The following B3GALT5 variants were observed in gnomAD, a reference collection of about 807,000 sequenced individuals.
B3GALT5 encodes UDP-Gal:betaGlcNAc beta 1,3-galactosyltransferase, polypeptide 5.
For missense variants in B3GALT5, 328 were observed against 396.6 expected, an observed-to-expected ratio of 0.83 and a Z score of 1.47; for synonymous variants, 156 against 158.6, an observed-to-expected ratio of 0.98 and a Z score of 0.12.
At chr21:39,623,855 C>A (rs2079150283) in intron 1 of B3GALT5, among the ~76,000 whole-genome samples, 1 of 152,188 alleles carries the variant, frequency 6.6e-6, no homozygotes, top group East Asian at 1.9e-4. Context: ...AAATTCTCAG[C>A]TGATATGTCT....
chr21:39,636,009 C>T (rs978286648), intron 1 of B3GALT5, among the ~76,000 whole-genome samples: 2 of 152,176 alleles, frequency 1.3e-5, no homozygotes, highest in African/African-American at 4.8e-5. Context: ...TAAGATAGGA[C>T]ATTTTATGTT....
intron 1 of B3GALT5, among the ~76,000 whole-genome samples, chr21:39,637,348 C>T (rs552414110): frequency 6.6e-6 from 1 of 152,326 alleles, no homozygotes; most frequent in South Asian, 2.1e-4. Flanking sequence ...TGTGCGTTCC[C>T]TCTCTGGAGG....
rs1174714969 is a variant in B3GALT5, at chr21:39,662,784, A to G, written c.*1292A>G. On this transcript the variant is annotated 3_prime_UTR_variant, in exon 4 of 4. Transcript: ENST00000684187. Reference sequence around the variant, plus strand: ...GCAAAGTAATCTTGCTCCTAATTATAGAAATGATTTTTCTTTTAATTTTTT... The same window carrying G: ...GCAAAGTAATCTTGCTCCTAATTATGGAAATGATTTTTCTTTTAATTTTTT... The G allele has an allele frequency of 6.0e-6, 1 of 167,126 alleles. No homozygotes were observed. Among genetic ancestry groups the G allele is most frequent in the Non-Finnish European group, 1.5e-5 (1 of 68,128 alleles). 10.4% of individuals were successfully genotyped at this position (167,126 alleles called of 1,614,324 possible).
At chr21:39,615,632 C>T (rs1007073192) in intron 1 of B3GALT5, among the ~76,000 whole-genome samples, 15 of 152,274 alleles carry the variant, frequency 9.9e-5, no homozygotes, top group South Asian at 8.3e-4. Flanking sequence ...GTTGCAAATC[C>T]CAGCTTTGAC....
chr21:39,658,165 T>C (rs1173532598), intron 2 of B3GALT5, among the ~76,000 whole-genome samples: 2 of 152,316 alleles, frequency 1.3e-5, no homozygotes, highest in Non-Finnish European at 2.9e-5. Context: ...GAGCTGTGAC[T>C]TCTGGTGGTA....
rs1555930053 is a variant in B3GALT5, at chr21:39,662,835, C to CA, written c.*1344dup. On this transcript the variant is annotated 3_prime_UTR_variant, in exon 4 of 4. Transcript: ENST00000684187. ...ACTTTACCAGACTTTACTTTGTACT[C>CA]AGAGAAGAGGCCTCACATGGCTGTG... 6.0e-6 allele frequency: 1 copy of CA among 166,932 alleles called. No homozygotes were observed. The highest frequency in any genetic ancestry group is 1.5e-5 in the Non-Finnish European group (1 of 68,100). The allele number at this position is 166,932 out of a possible 1,614,324, so 10.3% of individuals were successfully genotyped here. A position where few individuals can be genotyped will look rare whatever the true frequency, so the allele number is the denominator to read the frequency against.
intron 1 of B3GALT5, among the ~76,000 whole-genome samples, chr21:39,618,289 A>C (rs1185814055): frequency 6.6e-6 from 1 of 152,222 alleles, no homozygotes; most frequent in Admixed American, 6.5e-5. Context: ...CTTTGCATAC[A>C]TGTTAGAGTG....
chr21:39,659,985 G>A (rs956582242), intron 3 of B3GALT5, 73 bp downstream of exon 3: 10 of 864,608 alleles, frequency 1.2e-5, no homozygotes, highest in East Asian at 2.4e-4. Flanking sequence ...TAGCAGAGAC[G>A]GGTGGGCAGA....
intron 1 of B3GALT5, among the ~76,000 whole-genome samples, chr21:39,640,073 T>TG (rs2079277936): frequency 1.2e-5 from 1 of 83,686 alleles, no homozygotes; most frequent in Non-Finnish European, 2.4e-5. Flanking sequence ...TGGTAGAGGG[T>TG]GGGGGTGGGC....
chr21:39,660,785 A>G lies in B3GALT5; in HGVS notation c.226A>G (p.Ile76Val), dbSNP rs753423478. Residue 76 changes from isoleucine (I) to valine (V), a missense_variant, in exon 4 of 4, where the codon ATC (isoleucine) becomes GTC (valine). By Grantham distance (29) the Ile-to-Val change is conservative. Transcript: ENST00000684187. ...SHKQLAERMA[I>V]RQTWGKERMV... ...CAAACAGTTGGCTGAGCGCATGGCC[A>G]TCCGGCAGACGTGGGGGAAAGAGAG... 8 of 1,571,556 alleles carry G rather than the reference A, an allele frequency of 5.1e-6. No individual in the cohort carries two copies. In the South Asian group the frequency reaches 9.7e-5, roughly 19 times the overall value.
intron 2 of B3GALT5, among the ~76,000 whole-genome samples, chr21:39,652,562 C>A (rs1017630474): frequency 6.6e-6 from 1 of 152,202 alleles, no homozygotes; most frequent in Non-Finnish European, 1.5e-5. Context: ...TTCCTCATTC[C>A]TTTCATCCTA....
At chr21:39,633,469 C>T (rs1303982851) in intron 1 of B3GALT5, among the ~76,000 whole-genome samples, 4 of 152,122 alleles carry the variant, frequency 2.6e-5, no homozygotes, top group East Asian at 1.9e-4. Context: ...TATTTGTAAC[C>T]GGCACAATAC....
In B3GALT5 at chr21:39,668,994, T is replaced by C. The variant is rs1265677964; in HGVS notation, c.*7502T>C. Reference sequence around the variant, plus strand: ...TGAATTTTGGTGGATTCTATGGTGGTGTATACAGCACTATCTATCAGTGTA... The same window carrying C: ...TGAATTTTGGTGGATTCTATGGTGGCGTATACAGCACTATCTATCAGTGTA... On this transcript the variant is annotated 3_prime_UTR_variant, in exon 4 of 4. Coordinates refer to ENST00000684187, the MANE Select transcript of B3GALT5 (RefSeq NM_001356336.2). 1 of 152,250 alleles carries C rather than the reference T, an allele frequency of 6.6e-6. No homozygotes were observed. Among genetic ancestry groups the C allele is most frequent in the Non-Finnish European group, 1.5e-5 (1 of 68,066 alleles). 9.4% of individuals were successfully genotyped at this position (152,250 alleles called of 1,614,324 possible). A position where few individuals can be genotyped will look rare whatever the true frequency, so the allele number is the denominator to read the frequency against.
intron 1 of B3GALT5, among the ~76,000 whole-genome samples, chr21:39,634,416 T>A (rs1056084705): frequency 6.6e-6 from 1 of 152,204 alleles, no homozygotes. Context: ...GGAAAATCAC[T>A]GTCTGCCACA....
chr21:39,661,101 C>A lies in B3GALT5; in HGVS notation c.542C>A (p.Thr181Asn). 1.9e-6 allele frequency: 3 copies of A among 1,614,198 alleles called. No homozygotes were observed. Among genetic ancestry groups the A allele is most frequent in the Non-Finnish European group, 2.5e-6 (3 of 1,180,034 alleles). Residue 181 changes from threonine (T) to asparagine (N), a missense_variant, in exon 4 of 4, where the codon ACT becomes AAT. Transcript: ENST00000684187. The surrounding 1 kb of genome is among the most constrained non-coding windows in gnomAD (Gnocchi z 4.7). ...AAAAACAGAACAACCAGGTTTTTCACTGGCTTCTTGAAACTCAATGAGTTT... is the reference window on the plus strand; with the variant it reads ...AAAAACAGAACAACCAGGTTTTTCAATGGCTTCTTGAAACTCAATGAGTTT... ...LKKNRTTRFF[T>N]GFLKLNEFPI...
At chr21:39,622,242 A>T (rs915228341) in intron 1 of B3GALT5, among the ~76,000 whole-genome samples, 1 of 152,084 alleles carries the variant, frequency 6.6e-6, no homozygotes, top group African/African-American at 2.4e-5. Flanking sequence ...AATTGAAAAG[A>T]ATGTTTACTT....
chr21:39,648,744 C>A (rs377534226), intron 2 of B3GALT5, among the ~76,000 whole-genome samples: 2 of 152,180 alleles, frequency 1.3e-5, no homozygotes, highest in Non-Finnish European at 2.9e-5. Flanking sequence ...GGCCTCACCC[C>A]CAAAGGGATG....
intron 2 of B3GALT5, among the ~76,000 whole-genome samples, chr21:39,653,630 T>C (rs2837107): frequency 0.33 from 50,254 of 152,142 alleles, 8,533 homozygotes; most frequent in Middle Eastern, 0.39. Flanking sequence ...TGAACTGCTT[T>C]CCTTGCAACC....
chr21:39,640,481 G>T (rs1254022582), intron 1 of B3GALT5, among the ~76,000 whole-genome samples: 3 of 152,138 alleles, frequency 2.0e-5, no homozygotes, highest in South Asian at 2.1e-4. Flanking sequence ...CTCTTTTCAG[G>T]ATCTATGTGT....
Sources: gnomAD v4.1 joint callset for allele counts (sites outside exome capture counted in the v4.1 genomes callset) on GRCh38, gnomAD v4.1.1 for gene constraint, Gnocchi (gnomAD v3.1) non-coding constraint, MANE v1.5 for transcripts, NCBI Gene and HGNC (gene_info 2026-07-23, HGNC 2026-07-21) for gene names.